Variants in ADAMTSL3 observed in about 807,000 individuals in gnomAD.
The protein encoded by ADAMTSL3 is ADAMTS like 3, also known as ADAMTS-like protein 3.
Under a neutral mutation model 201.7 loss-of-function variants are expected in ADAMTSL3, and 128 were observed. The ratio of observed to expected loss-of-function variants is 0.63; its 90% CI spans 0.55 to 0.73. The LOEUF is 0.73. ADAMTSL3 is among the 30% of genes least tolerant of loss of function. The probability of loss-of-function intolerance (pLI) is 0.00; values close to 1 mark genes in which losing one functional copy is unlikely to be tolerated. For synonymous variants in ADAMTSL3, 738 were observed against 748.4 expected (o/e 0.99, Z 0.23); for missense variants, 1,990 against 2,119.6 (o/e 0.94, Z 1.20).
chr15:83,829,249 T>C (rs1393570659), intron 6 of ADAMTSL3, among the ~76,000 whole-genome samples: 4 of 152,228 alleles, frequency 2.6e-5, no homozygotes, highest in Non-Finnish European at 5.9e-5. Flanking sequence ...CCTGGTTTAG[T>C]CTTGGGAGGG....
intron 27 of ADAMTSL3, among the ~76,000 whole-genome samples, chr15:84,029,126 G>A (rs2068359052): frequency 6.6e-6 from 1 of 152,200 alleles, no homozygotes; most frequent in South Asian, 2.1e-4. Context: ...AGAGAGGGAT[G>A]TTGCTATAAA....
At chr15:83,891,694 T>G (rs1188994620) in intron 12 of ADAMTSL3, among the ~76,000 whole-genome samples, 1 of 152,210 alleles carries the variant, frequency 6.6e-6, no homozygotes, top group Non-Finnish European at 1.5e-5. Flanking sequence ...AGTAGTATGG[T>G]CCTTCCTGAC....
intron 5 of ADAMTSL3, among the ~76,000 whole-genome samples, chr15:83,809,589 C>A (rs1392269364): frequency 6.6e-6 from 1 of 152,214 alleles, no homozygotes; most frequent in Non-Finnish European, 1.5e-5. Context: ...ATAGATCTGC[C>A]TTTCCAGACT....
At chr15:83,754,295 C>G (rs966572747) in intron 3 of ADAMTSL3, among the ~76,000 whole-genome samples, 1 of 152,162 alleles carries the variant, frequency 6.6e-6, no homozygotes, top group Non-Finnish European at 1.5e-5. Context: ...TAGCATCTGA[C>G]TGCAGGCCTT....
intron 23 of ADAMTSL3, among the ~76,000 whole-genome samples, chr15:84,005,767 A>G (rs1463375620): frequency 6.6e-6 from 1 of 152,202 alleles, no homozygotes; most frequent in Non-Finnish European, 1.5e-5. Flanking sequence ...AAGGACTTTT[A>G]ATGATGGAGT....
At chr15:83,671,121 G>A (rs1249536893) in intron 2 of ADAMTSL3, among the ~76,000 whole-genome samples, 1 of 152,136 alleles carries the variant, frequency 6.6e-6, no homozygotes, top group Non-Finnish European at 1.5e-5. Flanking sequence ...CATAAGAGAT[G>A]TTGGTTTGTA....
chr15:83,823,051 C>A (rs1280479294), intron 6 of ADAMTSL3, among the ~76,000 whole-genome samples: 4 of 151,930 alleles, frequency 2.6e-5, no homozygotes, highest in Non-Finnish European at 5.9e-5. Flanking sequence ...GAAAACCAGT[C>A]AGGCGTGGCG....
At chr15:83,668,558 T>C (rs1255284692) in intron 2 of ADAMTSL3, among the ~76,000 whole-genome samples, 2 of 152,172 alleles carry the variant, frequency 1.3e-5, no homozygotes, top group African/African-American at 4.8e-5. Flanking sequence ...AAATATGTAA[T>C]GTTTTCATTT....
intron 23 of ADAMTSL3, among the ~76,000 whole-genome samples, chr15:83,997,714 A>T (rs1248637389): frequency 6.6e-6 from 1 of 152,110 alleles, no homozygotes; most frequent in African/African-American, 2.4e-5. Context: ...TTTTTTTGAC[A>T]TGTGGTTATC....
chr15:83,789,033 A>T (rs1461974526), intron 4 of ADAMTSL3, among the ~76,000 whole-genome samples: 1 of 150,702 alleles, frequency 6.6e-6, no homozygotes, highest in East Asian at 2.0e-4. Context: ...TTGGTCTCAA[A>T]CTCCTGACCT....
chr15:83,995,062 C>T (rs1333643002), intron 23 of ADAMTSL3, among the ~76,000 whole-genome samples: 1 of 152,146 alleles, frequency 6.6e-6, no homozygotes, highest in East Asian at 1.9e-4. Flanking sequence ...TTAGAGTTGT[C>T]CCAGGCTGAC....
chr15:83,801,645 A>AATATAAATATATATAT (rs2063517589), intron 4 of ADAMTSL3, among the ~76,000 whole-genome samples: 1 of 43,902 alleles, frequency 2.3e-5, no homozygotes. Context: ...TAAATATATA[A>AATATAAATATATATAT]ATATAAATAT....
At chr15:83,961,541 A>G (rs1477781752) in intron 19 of ADAMTSL3, 1 of 152,246 alleles carries the variant, frequency 6.6e-6, no homozygotes, top group Non-Finnish European at 1.5e-5. Context: ...CAGAAAGTCA[A>G]CCAAATAAAC....
At chr15:83,929,519 A>C (rs1199734891) in intron 17 of ADAMTSL3, among the ~76,000 whole-genome samples, 1 of 152,078 alleles carries the variant, frequency 6.6e-6, no homozygotes, top group Admixed American at 6.5e-5. Flanking sequence ...CCTCCTCTTG[A>C]TCATCTGCAA....
At chr15:83,947,066 C>T (rs2066668300) in intron 19 of ADAMTSL3, among the ~76,000 whole-genome samples, 1 of 152,196 alleles carries the variant, frequency 6.6e-6, no homozygotes, top group South Asian at 2.1e-4. Context: ...GGAGCTTTCT[C>T]CTGTTAGTTA....
chr15:83,714,904 T>C (rs184610539), intron 3 of ADAMTSL3, among the ~76,000 whole-genome samples: 1,106 of 77,690 alleles, frequency 0.014, 32 homozygotes, highest in Non-Finnish European at 0.021. Flanking sequence ...CTTCCTTCCT[T>C]CCTTCCTTCC....
rs755374283 is a variant in ADAMTSL3 at position 84,038,095 on chromosome 15, G to A, written c.*289G>A. On this transcript the variant is annotated 3_prime_UTR_variant, in exon 30 of 30. Transcript: ENST00000286744. ...GTCAGTTGAATCGAGAAATCACCAA[G>A]ATTATGAGTGCATCCTCACGTGCTG... 16 of 359,724 alleles carry A rather than the reference G, an allele frequency of 4.4e-5. No individual in the cohort carries two copies. Among genetic ancestry groups the A allele is most frequent in the Non-Finnish European group, 6.0e-5 (12 of 200,240 alleles). The allele number at this position is 359,724 out of a possible 1,614,324, so 22.3% of individuals were successfully genotyped here.
chr15:83,766,739 A>C (rs1263677611), intron 3 of ADAMTSL3, among the ~76,000 whole-genome samples: 2 of 152,244 alleles, frequency 1.3e-5, no homozygotes, highest in Non-Finnish European at 2.9e-5. Flanking sequence ...CTTTAAGAAG[A>C]AAATAACTTT....
At chr15:83,705,371 T>G (rs555172970) in intron 3 of ADAMTSL3, among the ~76,000 whole-genome samples, 1 of 152,254 alleles carries the variant, frequency 6.6e-6, no homozygotes, top group Admixed American at 6.5e-5. Flanking sequence ...GCCCAGTGAC[T>G]GAGGCCAGCT....
Sources: gnomAD v4.1 joint callset for allele counts (sites outside exome capture counted in the v4.1 genomes callset) on GRCh38, gnomAD v4.1.1 for gene constraint, MANE v1.5 for transcripts, NCBI Gene and HGNC (gene_info 2026-07-23, HGNC 2026-07-21) for gene names.